The following MROH7 variants were observed in gnomAD, a reference collection of about 807,000 sequenced individuals.
The protein encoded by MROH7 is maestro heat-like repeat-containing protein family member 7.
Under a neutral mutation model 129.2 loss-of-function variants are expected in MROH7, and 113 were observed. The ratio of observed to expected loss-of-function variants is 0.87; its 90% confidence interval spans 0.75 to 1.02. The LOEUF (loss-of-function observed/expected upper bound fraction) is 1.02, where lower values mean the gene tolerates loss of function less well. MROH7 is among the 50% of genes least tolerant of loss of function. The pLI is 0.00. For missense variants in MROH7, 1,601 were observed against 1,671.3 expected (o/e 0.96, Z 0.73); for synonymous variants, 655 against 667.9 (o/e 0.98, Z 0.30).
At chr1:54,686,068 C>T (rs1645142130) in intron 14 of MROH7, among the ~76,000 whole-genome samples, 190 bp from the exon 15 acceptor site, 1 of 151,972 alleles carries the variant, frequency 6.6e-6, no homozygotes, top group Non-Finnish European at 1.5e-5. Flanking sequence ...TGTCCTTGCT[C>T]TGGGACAGGG....
chr1:54,645,049 A>G (rs1415622914), intron 1 of MROH7, among the ~76,000 whole-genome samples: 1 of 149,290 alleles, frequency 6.7e-6, no homozygotes, highest in African/African-American at 2.5e-5. Flanking sequence ...GCATCAAAAG[A>G]TCTGCTTGCT....
At position 54,653,003 on chromosome 1, in the gene MROH7, C is replaced by A. The variant is rs1644580678; in HGVS notation, c.77C>A (p.Ala26Asp). 1.2e-6 allele frequency: 2 copies of A among 1,613,512 alleles called. No individual in the cohort carries two copies. The highest frequency in any genetic ancestry group is 8.5e-7 in the Non-Finnish European group (1 of 1,179,762). Residue 26 changes from alanine to aspartate, a missense_variant, in exon 3 of 24, where the codon GCC (alanine) becomes GAC (aspartate). By Grantham distance (126) the Ala-to-Asp change is moderately radical. Coordinates refer to ENST00000421030, the MANE Select transcript of MROH7 (RefSeq NM_001039464.4). ...KMTPSPPSCG[A>D]PGLGSGTIPQ... ...ACACCAAGTCCCCCCTCCTGTGGGG[C>A]CCCGGGATTAGGGTCTGGTACCATC...
intron 1 of MROH7, chr1:54,651,690 G>A (rs1354470086): frequency 2.6e-5 from 4 of 152,532 alleles, no homozygotes; most frequent in African/African-American, 9.7e-5. Context: ...TAGGCAAGGG[G>A]ATGGCTTAGA....
chr1:54,705,964 A>G (rs1178118350), intron 21 of MROH7, among the ~76,000 whole-genome samples: 5 of 152,118 alleles, frequency 3.3e-5, no homozygotes, highest in African/African-American at 1.2e-4. Flanking sequence ...TTTACCCAAA[A>G]CGTGGCTTTC....
intron 1 of MROH7, among the ~76,000 whole-genome samples, chr1:54,644,143 T>G (rs1443099919): frequency 6.6e-6 from 1 of 151,928 alleles, no homozygotes; most frequent in African/African-American, 2.4e-5. Context: ...TAGTAATGCT[T>G]TTTCAGCACT....
Position 54,695,411 on chromosome 1 carries a change from G to T in MROH7, c.2885G>T (p.Arg962Leu). ...CAGTACTCCTGCCAGGAGCTGTGCCGCATCCTCTACCTGCTCATCCCGCTC... is the reference window on the plus strand; with the variant it reads ...CAGTACTCCTGCCAGGAGCTGTGCCTCATCCTCTACCTGCTCATCCCGCTC... Reference protein sequence around the residue: ...MVQYSCQELCRILYLLIPLLE... With the variant: ...MVQYSCQELCLILYLLIPLLE... The change falls in exon 17 of 24, where the codon CGC (arginine) becomes CTC (leucine). Residue 962 changes from arginine (R) to leucine (L), a missense_variant. Transcript: ENST00000421030. 1 of 1,613,056 alleles carries T rather than the reference G, an allele frequency of 6.2e-7. No individual in the cohort carries two copies.
Position 54,679,428 on chromosome 1 carries a change from G to T in MROH7, c.2215G>T (p.Ala739Ser). ...SSVLEWYRHR[A>S]LEVIPEIMQG... is the part of the protein sequence containing the mutation. ...GGTGCTGGAGTGGTACCGCCACAGG[G>T]CGCTGGAGGTGGTAAGGCCTCCTGG... The change falls in exon 12 of 24, where the codon GCG (alanine) becomes TCG (serine). Residue 739 changes from alanine (A) to serine (S), a missense_variant. Physicochemically the swap from Ala to Ser is moderately conservative, Grantham distance 99. Coordinates refer to ENST00000421030, the MANE Select transcript of MROH7 (RefSeq NM_001039464.4). The T allele has an allele frequency of 6.2e-7, 1 of 1,612,894 alleles. No homozygotes were observed. The highest frequency in any genetic ancestry group is 1.1e-5 in the South Asian group (1 of 91,040).
chr1:54,697,750 C>G (rs1250461473), intron 17 of MROH7: 1 of 694,100 alleles, frequency 1.4e-6, no homozygotes, highest in East Asian at 2.7e-5. Flanking sequence ...AGATTCAGAA[C>G]AGGCCTGCCT....
At chr1:54,670,138 A>G (rs1644874097) in intron 5 of MROH7, among the ~76,000 whole-genome samples, 1 of 151,966 alleles carries the variant, frequency 6.6e-6, no homozygotes, top group Non-Finnish European at 1.5e-5. Flanking sequence ...GGCCACACAT[A>G]GTGGTTTTTG....
intron 1 of MROH7, among the ~76,000 whole-genome samples, chr1:54,645,375 G>A (rs1644448353): frequency 6.6e-6 from 1 of 151,942 alleles, no homozygotes; most frequent in Non-Finnish European, 1.5e-5. Context: ...CACCTCCCAG[G>A]TTCAAGTGAT....
chr1:54,654,687 A>C (rs1226294419), intron 3 of MROH7, among the ~76,000 whole-genome samples: 2 of 151,914 alleles, frequency 1.3e-5, no homozygotes, highest in East Asian at 3.9e-4. Flanking sequence ...AAAGAAAAAA[A>C]AATCACTGTA....
intron 17 of MROH7, chr1:54,695,974 T>G: frequency 3.8e-6 from 1 of 266,194 alleles, no homozygotes; most frequent in Non-Finnish European, 7.4e-6. Context: ...AAGCTGAGTG[T>G]GTGTTGGGGA....
At chr1:54,670,074 G>GAA (rs34229799) in intron 5 of MROH7, among the ~76,000 whole-genome samples, 148 of 149,384 alleles carry the variant, frequency 9.9e-4, no homozygotes, top group South Asian at 2.3e-3. Context: ...TTAAAAAGAA[G>GAA]AAAAAAAAAC....
chr1:54,686,288 G>A lies in MROH7; in HGVS notation c.2551G>A (p.Val851Ile), dbSNP rs201626732. The A allele has an allele frequency of 2.4e-4, 388 of 1,613,900 alleles. No individual in the cohort carries two copies. The highest frequency in any genetic ancestry group is 9.9e-4 in the Middle Eastern group (6 of 6,054). ...AASGLCELLS[V>I]NSCMGRVRRI... Reference sequence around the variant, plus strand: ...CAGCGGCCTGTGCGAGCTCCTGTCCGTCAACAGCTGCATGGGCCGTGTGAG... The same window carrying A: ...CAGCGGCCTGTGCGAGCTCCTGTCCATCAACAGCTGCATGGGCCGTGTGAG... Residue 851 changes from valine to isoleucine, a missense_variant, in exon 15 of 24, where the codon GTC (valine) becomes ATC (isoleucine). Transcript: ENST00000421030.
At chr1:54,674,355 T>G (rs1644950511) in intron 10 of MROH7, among the ~76,000 whole-genome samples, 1 of 152,182 alleles carries the variant, frequency 6.6e-6, no homozygotes, top group Non-Finnish European at 1.5e-5. Context: ...AACAAAACTA[T>G]TTTGATTTAA....
At chr1:54,659,880 AGTTT>A (rs1644707328) in intron 3 of MROH7, among the ~76,000 whole-genome samples, 3 of 152,148 alleles carry the variant, frequency 2.0e-5, no homozygotes, top group Admixed American at 1.3e-4. Context: ...GATATACCAC[AGTTT>A]GTTTATTCAT....
intron 10 of MROH7, 72 bp downstream of exon 10, chr1:54,674,223 A>G: frequency 6.5e-7 from 1 of 1,536,752 alleles, no homozygotes; most frequent in African/African-American, 1.4e-5. Context: ...ATAAAGAATC[A>G]GCTGGAGCCT....
At chr1:54,709,911 C>T in intron 23 of MROH7, 35 bp from the exon 24 acceptor site, 1 of 1,599,232 alleles carries the variant, frequency 6.3e-7, no homozygotes, top group East Asian at 2.2e-5. Context: ...GGCCCTGGGT[C>T]TTAATAGGAG....
chr1:54,644,829 G>T (rs1376691737), intron 1 of MROH7, among the ~76,000 whole-genome samples: 2 of 146,838 alleles, frequency 1.4e-5, no homozygotes, highest in African/African-American at 5.1e-5. Context: ...CTGAGATGGA[G>T]TCGCACTCTG....
Sources: allele counts gnomAD v4.1 joint callset (sites outside exome capture counted in the v4.1 genomes callset), GRCh38; gene constraint gnomAD v4.1.1; transcripts MANE v1.5; gene names NCBI Gene and HGNC (gene_info 2026-07-23, HGNC 2026-07-21).